The following PARP8 variants were observed in gnomAD, a reference collection of about 807,000 sequenced individuals.
PARP8 encodes poly(ADP-ribose) polymerase family member 8.
Under a neutral mutation model 124.1 loss-of-function variants are expected in PARP8, and 51 were observed. The observed-to-expected ratio is 0.41, with a 90% CI of 0.33 to 0.52. The LOEUF (loss-of-function observed/expected upper bound fraction) is 0.52, where lower values mean the gene tolerates loss of function less well. PARP8 is among the 20% of genes least tolerant of loss of function. The pLI, the probability that PARP8 is intolerant of heterozygous loss-of-function variation, is 0.21. For missense variants in PARP8, 860 were observed against 1,018.9 expected (o/e 0.84, Z 2.12); for synonymous variants, 391 against 361.5 (o/e 1.08, Z -0.93).
intron 2 of PARP8, chr5:50,668,398 G>C (rs1749615651): frequency 2.5e-6 from 1 of 407,162 alleles, no homozygotes; most frequent in Non-Finnish European, 4.5e-6. Context: ...ATTGCTCTCA[G>C]GCGATTTGGG....
chr5:50,822,473 A>G, intron 17 of PARP8, 73 bp downstream of exon 17: 1 of 1,170,314 alleles, frequency 8.5e-7, no homozygotes, highest in Non-Finnish European at 1.3e-6. Context: ...AGTGAAATGT[A>G]GACTTCTCTA....
intron 2 of PARP8, among the ~76,000 whole-genome samples, chr5:50,710,155 T>C (rs1754628058): frequency 6.6e-6 from 1 of 151,848 alleles, no homozygotes; most frequent in Non-Finnish European, 1.5e-5. Context: ...TTTCATTTTA[T>C]TACATCTTTG....
chr5:50,781,946 CA>C (rs1234919034), intron 9 of PARP8, among the ~76,000 whole-genome samples: 1 of 152,128 alleles, frequency 6.6e-6, no homozygotes, highest in African/African-American at 2.4e-5. Flanking sequence ...CTCCTGAGAA[CA>C]ATTCCGAATA....
At chr5:50,793,594 G>C (rs530404734) in intron 10 of PARP8, among the ~76,000 whole-genome samples, 2 of 152,270 alleles carry the variant, frequency 1.3e-5, no homozygotes, top group African/African-American at 4.8e-5. Flanking sequence ...TTAAAATTTA[G>C]TATAGTATCT....
At chr5:50,818,189 C>CCCT (rs1491547041) in intron 15 of PARP8, among the ~76,000 whole-genome samples, 1 of 136,272 alleles carries the variant, frequency 7.3e-6, no homozygotes, top group East Asian at 2.3e-4. Flanking sequence ...CCCCCCCCCC[C>CCCT]AAAAAAAAGA....
chr5:50,680,308 ACT>A (rs1751144805), intron 2 of PARP8, among the ~76,000 whole-genome samples: 1 of 151,496 alleles, frequency 6.6e-6, no homozygotes. Flanking sequence ...TTCCACAATG[ACT>A]CTCATGGCTG....
chr5:50,718,329 G>A (rs1206506872), intron 2 of PARP8, among the ~76,000 whole-genome samples: 2 of 151,930 alleles, frequency 1.3e-5, no homozygotes. Flanking sequence ...TTCTTTCTAA[G>A]AAGCAATCTT....
intron 2 of PARP8, among the ~76,000 whole-genome samples, chr5:50,686,104 A>C (rs1435453653): frequency 6.6e-6 from 1 of 152,198 alleles, no homozygotes; most frequent in Non-Finnish European, 1.5e-5. Flanking sequence ...AGTCTCATCC[A>C]AGACATGGAA....
At position 50,754,116 on chromosome 5, in the gene PARP8, CATATATATATATATATATAT is replaced by C. The variant is rs373375463; in HGVS notation, c.184+3944_184+3963del. Among the ~76,000 whole-genome samples, 8 of 64,734 alleles carry C rather than the reference CATATATATATATATATATAT, an allele frequency of 1.2e-4. No individual in the cohort carries two copies. The South Asian group carries it at 2.6e-3, about 21-fold the overall frequency. 42.5% of individuals were successfully genotyped at this position (64,734 alleles called of 152,430 possible). ...GAAGGAATTTGAGTTTGAAAACATT[CATATATATATATATATATAT>C]ATATATATATATATACACACACACA... is the stretch of plus-strand genomic sequence containing the variant. On this transcript the variant is annotated intron_variant, in intron 3 of 25. Coordinates refer to ENST00000281631, the MANE Select transcript of PARP8 (RefSeq NM_024615.4).
At chr5:50,699,825 G>A (rs1407790298) in intron 2 of PARP8, among the ~76,000 whole-genome samples, 3 of 152,096 alleles carry the variant, frequency 2.0e-5, no homozygotes, top group Non-Finnish European at 4.4e-5. Flanking sequence ...CATATTTTGA[G>A]TATCAGTATC....
At chr5:50,767,805 A>G (rs1264611608) in intron 7 of PARP8, among the ~76,000 whole-genome samples, 1 of 152,198 alleles carries the variant, frequency 6.6e-6, no homozygotes, top group African/African-American at 2.4e-5. Flanking sequence ...CAAAAACCAC[A>G]CATTGAGTAG....
At chr5:50,826,630 T>C (rs1746379742) in intron 18 of PARP8, 125 bp from the exon 19 acceptor site, 2 of 1,208,188 alleles carry the variant, frequency 1.7e-6, no homozygotes, top group Non-Finnish European at 2.2e-6. Context: ...TGCGACTAAA[T>C]GAAATTATTT....
intron 2 of PARP8, among the ~76,000 whole-genome samples, chr5:50,731,156 A>G (rs190269822): frequency 2.6e-5 from 4 of 152,316 alleles, no homozygotes; most frequent in African/African-American, 9.6e-5. Context: ...ATGTTTGTTC[A>G]TCTGTAAAAT....
In PARP8 at chr5:50,834,125, G is replaced by T; in HGVS notation, c.2377+77G>T. 4 of 1,182,338 alleles carry T rather than the reference G, an allele frequency of 3.4e-6. 1 individual carries two copies. The South Asian group carries it at 5.3e-5, about 16-fold the overall frequency. The allele number at this position is 1,182,338 out of a possible 1,614,324, so 73.2% of individuals were successfully genotyped here. ...AATTAAAAATATAAGTATATTTACA[G>T]AGTGCTTACGGTGGAATAGGGAAAG... On this transcript the variant is annotated intron_variant, in intron 24 of 25. Coordinates refer to ENST00000281631, the MANE Select transcript of PARP8 (RefSeq NM_024615.4).
chr5:50,835,542 GA>G (rs369666093), intron 25 of PARP8, among the ~76,000 whole-genome samples: 2 of 148,740 alleles, frequency 1.3e-5, no homozygotes, highest in Admixed American at 6.7e-5. Flanking sequence ...GTCTCAAAAA[GA>G]AAAAAAAAGA....
intron 2 of PARP8, among the ~76,000 whole-genome samples, chr5:50,709,115 A>G (rs962934390): frequency 1.3e-5 from 2 of 151,932 alleles, no homozygotes; most frequent in African/African-American, 4.8e-5. Flanking sequence ...TATATCTTTG[A>G]TAATATTCTC....
chr5:50,774,289 C>A (rs554837266), intron 7 of PARP8, among the ~76,000 whole-genome samples: 12 of 152,206 alleles, frequency 7.9e-5, no homozygotes, highest in Non-Finnish European at 8.8e-5. Context: ...CCCCACATTT[C>A]CTCCTTTTCT....
At chr5:50,744,753 C>A (rs552717201) in intron 2 of PARP8, 1 of 701,454 alleles carries the variant, frequency 1.4e-6, no homozygotes, top group Non-Finnish European at 2.6e-6. Context: ...GAGCTTGCTC[C>A]AGGGATGTGA....
At chr5:50,828,532 A>G in intron 21 of PARP8, 148 bp downstream of exon 21, 1 of 676,154 alleles carries the variant, frequency 1.5e-6, no homozygotes, top group Non-Finnish European at 2.6e-6. Context: ...CTAGAACTGA[A>G]GCAGAACTGA....
Sources: allele counts gnomAD v4.1 joint callset (sites outside exome capture counted in the v4.1 genomes callset), GRCh38; gene constraint gnomAD v4.1.1; transcripts MANE v1.5; gene names NCBI Gene and HGNC (gene_info 2026-07-23, HGNC 2026-07-21).